Variants in ZFAT observed in about 807,000 individuals in gnomAD.
The protein encoded by ZFAT is zinc finger and AT-hook domain containing.
A neutral mutation model predicts 117.7 loss-of-function variants in ZFAT; 64 were observed. The ratio of observed to expected loss-of-function variants is 0.54; its 90% confidence interval spans 0.44 to 0.67. The LOEUF (loss-of-function observed/expected upper bound fraction) is 0.67. Among genes scored for constraint, ZFAT ranks in the 30% least tolerant of loss-of-function variants. The pLI is 0.00. For synonymous variants in ZFAT, 679 were observed against 615.0 expected (o/e 1.10, Z -1.54); for missense variants, 1,433 against 1,584.5 (o/e 0.90, Z 1.62).
chr8:134,658,286 G>A (rs1262956031), intron 1 of ZFAT, among the ~76,000 whole-genome samples: 6 of 140,354 alleles, frequency 4.3e-5, no homozygotes, highest in South Asian at 2.2e-4. Context: ...GCAGTGAGCC[G>A]AGATCACGCC....
the ZFAT span, among the ~76,000 whole-genome samples, chr8:134,747,547 C>A: frequency 1.3e-5 from 2 of 152,148 alleles, no homozygotes; most frequent in Non-Finnish European, 2.9e-5. Flanking sequence ...CAGCAAGGTC[C>A]TAACAATGTC....
intron 1 of ZFAT, among the ~76,000 whole-genome samples, chr8:134,685,544 ATAAC>A (rs1833278297): frequency 6.6e-6 from 1 of 152,226 alleles, no homozygotes; most frequent in African/African-American, 2.4e-5. Flanking sequence ...CAGCTGGAAA[ATAAC>A]AGTATGCCAG....
intron 15 of ZFAT, among the ~76,000 whole-genome samples, chr8:134,491,559 G>A (rs529534158): frequency 1.3e-5 from 2 of 152,318 alleles, no homozygotes; most frequent in East Asian, 1.9e-4. Context: ...ATCCCGGCTG[G>A]AGACTTTAAG....
At chr8:134,552,653 G>A (rs1028496330) in intron 11 of ZFAT, among the ~76,000 whole-genome samples, 1 of 152,222 alleles carries the variant, frequency 6.6e-6, no homozygotes, top group Non-Finnish European at 1.5e-5. Flanking sequence ...TATACCAAAA[G>A]GCTGATGGCT....
At chr8:134,640,678 A>ATCTGC (rs1830530620) in intron 2 of ZFAT, among the ~76,000 whole-genome samples, 1 of 152,224 alleles carries the variant, frequency 6.6e-6, no homozygotes, top group African/African-American at 2.4e-5. Flanking sequence ...AATCGGCCTG[A>ATCTGC]AAGCTTTGGA....
chr8:134,736,890 C>A, the ZFAT span, among the ~76,000 whole-genome samples: 1 of 152,098 alleles, frequency 6.6e-6, no homozygotes, highest in African/African-American at 2.4e-5. Context: ...CAGGCCTGAG[C>A]CATTCTTCTC....
At chr8:134,719,992 G>A in the ZFAT span, among the ~76,000 whole-genome samples, 2 of 152,240 alleles carry the variant, frequency 1.3e-5, no homozygotes, top group Non-Finnish European at 2.9e-5. Context: ...CTTTCGCCAT[G>A]GAACACAAAC....
intron 1 of ZFAT, among the ~76,000 whole-genome samples, chr8:134,665,705 C>CCT (rs1563743589): frequency 6.6e-6 from 1 of 151,968 alleles, no homozygotes; most frequent in East Asian, 1.9e-4. Flanking sequence ...AGTGTGGTGT[C>CCT]TGTATCCTTC....
the ZFAT span, among the ~76,000 whole-genome samples, chr8:134,721,066 G>C: frequency 1.3e-5 from 2 of 152,200 alleles, no homozygotes; most frequent in Admixed American, 6.5e-5. Context: ...CCTTTCTGCT[G>C]TGGCTCTATC....
Position 134,709,264 on chromosome 8 carries a change from G to C in ZFAT, c.19+3581C>G, listed in dbSNP as rs541793973. Among the ~76,000 whole-genome samples, 11 of 152,356 alleles carry C rather than the reference G, an allele frequency of 7.2e-5. No individual in the cohort carries two copies. In the East Asian group the frequency reaches 2.1e-3, roughly 29 times the overall value. On this transcript the variant is annotated intron_variant, in intron 1 of 15. Transcript: ENST00000377838. ...TTTCAAGAAGAGAGTGGATGACAAT[G>C]TACTGAGCTGTACACTGGGAAGTCT...
chr8:134,643,134 C>T (rs1424022640), intron 2 of ZFAT, among the ~76,000 whole-genome samples: 1 of 152,212 alleles, frequency 6.6e-6, no homozygotes, highest in Non-Finnish European at 1.5e-5. Context: ...ATTTAATCCC[C>T]AAGGGAGGCA....
chr8:134,501,177 G>T (rs1586593625), intron 15 of ZFAT, among the ~76,000 whole-genome samples: 1 of 152,338 alleles, frequency 6.6e-6, no homozygotes, highest in East Asian at 1.9e-4. Context: ...TAGAAATCCT[G>T]AGCATATGCC....
At chr8:134,620,136 C>T (rs1468502607) in intron 3 of ZFAT, among the ~76,000 whole-genome samples, 1 of 152,210 alleles carries the variant, frequency 6.6e-6, no homozygotes, top group East Asian at 1.9e-4. Flanking sequence ...TTTGCTTTCA[C>T]CACAGGCAGA....
intron 10 of ZFAT, 101 bp downstream of exon 10, chr8:134,583,731 G>T: frequency 1.4e-6 from 2 of 1,412,232 alleles, no homozygotes; most frequent in Middle Eastern, 3.6e-4. Flanking sequence ...ACGGGCAAGT[G>T]CTCTTTCCTG....
the ZFAT span, among the ~76,000 whole-genome samples, chr8:134,756,803 C>T: frequency 0.39 from 58,664 of 152,022 alleles, 11,372 homozygotes; most frequent in Admixed American, 0.46. Flanking sequence ...AGGTTTGGGA[C>T]GCCTGGAGTG....
At chr8:134,537,844 C>T (rs1821950823) in intron 11 of ZFAT, among the ~76,000 whole-genome samples, 1 of 152,086 alleles carries the variant, frequency 6.6e-6, no homozygotes, top group Admixed American at 6.5e-5. Flanking sequence ...ACCAGTCAGA[C>T]CTGATGGCTG....
chr8:134,542,842 T>C (rs1822370235), intron 11 of ZFAT, among the ~76,000 whole-genome samples: 1 of 151,728 alleles, frequency 6.6e-6, no homozygotes, highest in Non-Finnish European at 1.5e-5. Context: ...CTCAGCCAGA[T>C]ACATGCAGTT....
At chr8:134,799,192 T>C in the ZFAT span, among the ~76,000 whole-genome samples, 1 of 152,164 alleles carries the variant, frequency 6.6e-6, no homozygotes, top group African/African-American at 2.4e-5. Flanking sequence ...TGCTTTCATT[T>C]CACATTTTTA....
At chr8:134,749,515 G>C in the ZFAT span, among the ~76,000 whole-genome samples, 17 of 152,048 alleles carry the variant, frequency 1.1e-4, no homozygotes, top group African/African-American at 4.1e-4. Flanking sequence ...CACTCTTGAG[G>C]GTAGAGCCCT....
Sources: allele counts gnomAD v4.1 joint callset (sites outside exome capture counted in the v4.1 genomes callset), GRCh38; gene constraint gnomAD v4.1.1; transcripts MANE v1.5; gene names NCBI Gene and HGNC (gene_info 2026-07-23, HGNC 2026-07-21).